Variants in PTPRT observed in about 807,000 individuals in gnomAD.
PTPRT encodes receptor-type tyrosine-protein phosphatase T.
In PTPRT, 56 loss-of-function variants were observed where a neutral mutation model predicts 176.8. The observed-to-expected ratio is 0.32, with a 90% CI of 0.26 to 0.40. The LOEUF (loss-of-function observed/expected upper bound fraction) is 0.40. Among genes scored for constraint, PTPRT ranks in the 10% least tolerant of loss-of-function variants. PTPRT has a pLI of 1.00. For synonymous variants in PTPRT, 783 were observed against 739.0 expected (o/e 1.06, Z -0.96); for missense variants, 1,540 against 1,908.2 (o/e 0.81, Z 3.60).
At chr20:42,133,980 T>C (rs951628507) in intron 18 of PTPRT, among the ~76,000 whole-genome samples, 23 of 152,332 alleles carry the variant, frequency 1.5e-4, no homozygotes, top group African/African-American at 5.5e-4. Context: ...TTGACCTCTG[T>C]ACCAAATACA....
In PTPRT at chr20:42,886,049, C is replaced by CTTTA. The variant is rs58536258; in HGVS notation, c.89-118_89-117insTAAA. 7.3e-3 allele frequency: 3,143 copies of CTTTA among 431,292 alleles called. 37 individuals carry two copies. The highest frequency in any genetic ancestry group is 0.022 in the Middle Eastern group (28 of 1,270). The allele number at this position is 431,292 out of a possible 1,614,324, so 26.7% of individuals were successfully genotyped here. A position where few individuals can be genotyped will look rare whatever the true frequency, so the allele number is the denominator to read the frequency against. ...AATTTTAAACTCTGGAGAAGATTTT[C>CTTTA]CATATATATATATATATATATAAAA... On this transcript the variant is annotated intron_variant, in intron 1 of 30. Coordinates refer to ENST00000373187, the MANE Select transcript of PTPRT (RefSeq NM_007050.6).
chr20:42,729,145 G>C (rs1050673802), intron 6 of PTPRT, among the ~76,000 whole-genome samples: 1 of 152,140 alleles, frequency 6.6e-6, no homozygotes, highest in Non-Finnish European at 1.5e-5. Flanking sequence ...GGTTGACACT[G>C]AAAGAAGGCT....
chr20:42,245,787 G>A (rs2056438638), intron 14 of PTPRT, among the ~76,000 whole-genome samples: 1 of 152,102 alleles, frequency 6.6e-6, no homozygotes, highest in Admixed American at 6.5e-5. Context: ...TATGTTTCTG[G>A]AAACATCTGT....
intron 8 of PTPRT, among the ~76,000 whole-genome samples, chr20:42,460,466 T>C (rs1476773317): frequency 6.6e-6 from 1 of 152,174 alleles, no homozygotes; most frequent in East Asian, 1.9e-4. Flanking sequence ...GGCCAACCTC[T>C]GGTATGGATA....
intron 3 of PTPRT, 145 bp downstream of exon 3, chr20:42,791,050 T>A (rs1450544257): frequency 1.0e-6 from 1 of 994,482 alleles, no homozygotes; most frequent in East Asian, 2.5e-5. Flanking sequence ...TTAGGTCACC[T>A]CTGCAGAGCT....
chr20:42,614,683 T>A (rs1401124358), intron 7 of PTPRT, among the ~76,000 whole-genome samples: 3 of 152,166 alleles, frequency 2.0e-5, no homozygotes, highest in Non-Finnish European at 4.4e-5. Context: ...CACCCTGCAA[T>A]GAATTATTTC....
chr20:42,235,236 C>T (rs73268890), intron 15 of PTPRT, among the ~76,000 whole-genome samples: 2,147 of 150,908 alleles, frequency 0.014, 43 homozygotes, highest in African/African-American at 0.051. Context: ...TTGAGCATCT[C>T]TGTTGTTGTT....
chr20:42,143,804 G>A (rs994078488), intron 17 of PTPRT, among the ~76,000 whole-genome samples: 2 of 152,176 alleles, frequency 1.3e-5, no homozygotes, highest in Non-Finnish European at 2.9e-5. Flanking sequence ...AGGGAATGAA[G>A]TCAATATAGA....
intron 1 of PTPRT, among the ~76,000 whole-genome samples, chr20:43,040,626 G>A (rs1466196068): frequency 6.6e-6 from 1 of 152,140 alleles, no homozygotes; most frequent in Non-Finnish European, 1.5e-5. Flanking sequence ...TGAAAGATGG[G>A]AATACCTGCT....
At chr20:42,505,864 C>T (rs191186976) in intron 7 of PTPRT, among the ~76,000 whole-genome samples, 2 of 152,242 alleles carry the variant, frequency 1.3e-5, no homozygotes, top group East Asian at 3.9e-4. Flanking sequence ...CATTTGACTG[C>T]TTTTCATTGG....
intron 11 of PTPRT, among the ~76,000 whole-genome samples, chr20:42,333,423 C>T (rs2057995237): frequency 6.6e-6 from 1 of 150,556 alleles, no homozygotes; most frequent in Admixed American, 6.6e-5. Flanking sequence ...CCTCTGACTC[C>T]CTGGTTCAAG....
intron 7 of PTPRT, among the ~76,000 whole-genome samples, chr20:42,677,588 A>T (rs564775125): frequency 6.6e-6 from 1 of 152,060 alleles, no homozygotes; most frequent in African/African-American, 2.4e-5. Context: ...ACACTATTAG[A>T]TCCAGGAACC....
chr20:42,188,426 C>T (rs945042901), intron 16 of PTPRT, among the ~76,000 whole-genome samples: 9 of 152,152 alleles, frequency 5.9e-5, no homozygotes, highest in Middle Eastern at 3.4e-3. Flanking sequence ...CTTGGTTTCT[C>T]GGTAGCTATG....
intron 1 of PTPRT, among the ~76,000 whole-genome samples, chr20:43,071,676 T>A (rs2011182796): frequency 6.9e-6 from 1 of 144,334 alleles, no homozygotes; most frequent in African/African-American, 2.9e-5. Context: ...TCCCAGCTAC[T>A]CGGGAGGCTG....
At chr20:42,837,180 C>G (rs1463365702) in intron 2 of PTPRT, among the ~76,000 whole-genome samples, 2 of 152,216 alleles carry the variant, frequency 1.3e-5, no homozygotes, top group East Asian at 3.9e-4. Flanking sequence ...GGATTCAGCT[C>G]CAGTTCTTTC....
At position 42,098,529 on chromosome 20, in the gene PTPRT, G is replaced by A. The variant is rs750078390; in HGVS notation, c.3738C>T (p.Phe1246=). The change falls in exon 27 of 31, where the codon TTC becomes TTT. Residue 1246 remains phenylalanine (F), a synonymous_variant. Coordinates refer to ENST00000373187, the MANE Select transcript of PTPRT (RefSeq NM_007050.6). ...TGGGTAGAGGGTGCTGGGTGACCAC[G>A]AAGGCGGCAGGCTGCTTGTGGCTCT... ...LMDSHKQPAA[F]VVTQHPLPNT... is the part of the protein sequence containing the mutation. The A allele has an allele frequency of 1.5e-5, 25 of 1,614,072 alleles. No individual in the cohort carries two copies. Among genetic ancestry groups the A allele is most frequent in the African/African-American group, 6.7e-5 (5 of 74,922 alleles).
chr20:42,950,112 A>G (rs768398364), intron 1 of PTPRT, among the ~76,000 whole-genome samples: 1 of 152,182 alleles, frequency 6.6e-6, no homozygotes, highest in Non-Finnish European at 1.5e-5. Context: ...CAAGCCTAGT[A>G]ATCATTAACC....
intron 7 of PTPRT, among the ~76,000 whole-genome samples, chr20:42,572,500 A>C (rs1002310265): frequency 6.6e-5 from 10 of 151,772 alleles, no homozygotes; most frequent in Non-Finnish European, 1.2e-4. Flanking sequence ...GGGCCCTGGC[A>C]CATGCCTGGA....
chr20:42,580,179 G>A (rs1356576202), intron 7 of PTPRT, among the ~76,000 whole-genome samples: 2 of 152,114 alleles, frequency 1.3e-5, no homozygotes, highest in African/African-American at 4.8e-5. Context: ...CCCATTGCTT[G>A]TTTTTCTCAG....
Sources: gnomAD v4.1 joint callset for allele counts (sites outside exome capture counted in the v4.1 genomes callset) on GRCh38, gnomAD v4.1.1 for gene constraint, MANE v1.5 for transcripts, NCBI Gene and HGNC (gene_info 2026-07-23, HGNC 2026-07-21) for gene names.